The following COPS8 variants were observed in gnomAD, a reference collection of about 807,000 sequenced individuals.
The protein encoded by COPS8 is COP9 signalosome complex subunit 8.
Under a neutral mutation model 31.5 loss-of-function variants are expected in COPS8, and 11 were observed. The observed-to-expected ratio is 0.35, with a 90% CI of 0.22 to 0.58. COPS8 has a LOEUF of 0.58. COPS8 is among the 20% of genes least tolerant of loss of function. COPS8 has a pLI of 0.83. For missense variants in COPS8, 215 were observed against 255.1 expected (o/e 0.84, Z 1.07); for synonymous variants, 81 against 89.3 (o/e 0.91, Z 0.52).
At chr2:237,095,767 A>G in intron 5 of COPS8, 55 bp from the exon 6 acceptor site, 1 of 1,224,820 alleles carries the variant, frequency 8.2e-7, no homozygotes, top group African/African-American at 1.5e-5. Flanking sequence ...CAAGTTGTGG[A>G]TTTTGTGGGG....
intron 2 of COPS8, chr2:237,087,453 G>T: frequency 2.1e-6 from 1 of 481,180 alleles, no homozygotes; most frequent in South Asian, 2.3e-5. Context: ...TAACCTTTTT[G>T]TCTTTTTAAG....
chr2:237,090,421 G>A (rs556751160), intron 4 of COPS8, among the ~76,000 whole-genome samples: 1 of 152,168 alleles, frequency 6.6e-6, no homozygotes, highest in Non-Finnish European at 1.5e-5. Context: ...GCTCAAATGT[G>A]TTTTTAATTG....
chr2:237,095,410 C>T (rs973839910), intron 5 of COPS8, among the ~76,000 whole-genome samples: 1 of 152,092 alleles, frequency 6.6e-6, no homozygotes, highest in East Asian at 1.9e-4. Flanking sequence ...TATAAAAGCA[C>T]GTAGTCTGGT....
chr2:237,097,924 A>G lies in COPS8; in HGVS notation c.*182A>G, dbSNP rs1696833861. The G allele has an allele frequency of 6.3e-6, 3 of 473,286 alleles. No homozygotes were observed. Among genetic ancestry groups the G allele is most frequent in the Non-Finnish European group, 1.1e-5 (3 of 265,680 alleles). The allele number at this position is 473,286 out of a possible 1,614,324, so 29.3% of individuals were successfully genotyped here. A position where few individuals can be genotyped will look rare whatever the true frequency, so the allele number is the denominator to read the frequency against. ...CATTTTGTCCATAAACGTTATGCTG[A>G]ATAGTTGTTGAAACAGTTCTCATTT... is the stretch of plus-strand genomic sequence containing the variant. On this transcript the variant is annotated 3_prime_UTR_variant, in exon 8 of 8. Coordinates refer to ENST00000354371, the MANE Select transcript of COPS8 (RefSeq NM_006710.5).
chr2:237,086,719 GTC>G, intron 1 of COPS8: 3 of 927,422 alleles, frequency 3.2e-6, no homozygotes, highest in Non-Finnish European at 1.3e-6. Context: ...GTGATTTTCT[GTC>G]TCTTATTCAG....
intron 4 of COPS8, among the ~76,000 whole-genome samples, chr2:237,090,520 C>A (rs572825764): frequency 1.4e-4 from 21 of 152,354 alleles, no homozygotes; most frequent in Non-Finnish European, 2.4e-4. Context: ...TCACCCCTAG[C>A]ATTTGCTTCC....
rs1696844519 is a variant in COPS8, at chr2:237,098,596, C to T, written c.*854C>T. On this transcript the variant is annotated 3_prime_UTR_variant, in exon 8 of 8. Coordinates refer to ENST00000354371, the MANE Select transcript of COPS8 (RefSeq NM_006710.5). ...CTTTCATTCTCTGTGTGACAGCCCT[C>T]TGAATATTTGAAGTTGTTTGTTGTA... 1 of 152,170 alleles carries T rather than the reference C, an allele frequency of 6.6e-6. No individual in the cohort carries two copies. The highest frequency in any genetic ancestry group is 2.1e-4 in the South Asian group (1 of 4,824). The allele number at this position is 152,170 out of a possible 1,614,324, so 9.4% of individuals were successfully genotyped here.
chr2:237,088,876 C>T (rs758202282), intron 3 of COPS8, among the ~76,000 whole-genome samples: 2 of 152,072 alleles, frequency 1.3e-5, no homozygotes, highest in African/African-American at 2.4e-5. Context: ...TTTCTTGAGA[C>T]GCTTTTATGT....
intron 4 of COPS8, among the ~76,000 whole-genome samples, chr2:237,092,892 A>G (rs1355255760): frequency 1.3e-5 from 2 of 152,194 alleles, no homozygotes; most frequent in Non-Finnish European, 2.9e-5. Context: ...TGTATTTGGC[A>G]TATATTTCAC....
chr2:237,094,162 C>A lies in COPS8; in HGVS notation c.404C>A (p.Ala135Asp), dbSNP rs778513456. 1.2e-6 allele frequency: 2 copies of A among 1,613,768 alleles called. No homozygotes were observed. Among genetic ancestry groups the A allele is most frequent in the East Asian group, 4.5e-5 (2 of 44,890 alleles). ...YTSIIADDFA[A>D]FVGLPVEEAV... ...TCAATCATCGCCGATGATTTTGCAGCCTTTGTTGGACTTCCTGTAGAAGAG... is the reference window on the plus strand; with the variant it reads ...TCAATCATCGCCGATGATTTTGCAGACTTTGTTGGACTTCCTGTAGAAGAG... Residue 135 changes from alanine (A) to aspartate (D), a missense_variant, in exon 5 of 8, where the codon GCC becomes GAC. Transcript: ENST00000354371.
chr2:237,089,028 ATACTC>A (rs1169306624), intron 3 of COPS8, among the ~76,000 whole-genome samples: 16 of 152,350 alleles, frequency 1.1e-4, no homozygotes, highest in African/African-American at 3.8e-4. Flanking sequence ...GTTTACAAGA[ATACTC>A]TAAGAATGAT....
In COPS8 at chr2:237,097,224, C is replaced by CTT. The variant is rs996251270; in HGVS notation, c.550+374_550+375dup. Among the ~76,000 whole-genome samples the CTT allele has an allele frequency of 6.0e-4, 58 of 95,984 alleles. 1 individual carries two copies. Among genetic ancestry groups the CTT allele is most frequent in the African/African-American group, 1.7e-3 (45 of 26,254 alleles). The allele number at this position is 95,984 out of a possible 152,430, so 63.0% of individuals were successfully genotyped here. A position where few individuals can be genotyped will look rare whatever the true frequency, so the allele number is the denominator to read the frequency against. ...TTCCTTGAGGTTCTTTGTGGGTTTTCTTTTTTTTTTTTTTTTTTTTGGTTT... is the reference window on the plus strand; with the variant it reads ...TTCCTTGAGGTTCTTTGTGGGTTTTCTTTTTTTTTTTTTTTTTTTTTTGGTTT... On this transcript the variant is annotated intron_variant, in intron 7 of 7. Coordinates refer to ENST00000354371, the MANE Select transcript of COPS8 (RefSeq NM_006710.5).
At chr2:237,091,140 C>T (rs1696699320) in intron 4 of COPS8, among the ~76,000 whole-genome samples, 1 of 152,170 alleles carries the variant, frequency 6.6e-6, no homozygotes, top group African/African-American at 2.4e-5. Context: ...TTCTCTTGTG[C>T]ACCGTCGGGT....
intron 4 of COPS8, among the ~76,000 whole-genome samples, chr2:237,092,195 G>A (rs139169902): frequency 5.1e-4 from 77 of 152,276 alleles, no homozygotes; most frequent in African/African-American, 1.7e-3. Flanking sequence ...ACCTTCCAGC[G>A]TGTCATTCTA....
At position 237,087,231 on chromosome 2, in the gene COPS8, G is replaced by C. The variant is rs531331663; in HGVS notation, c.149+34G>C. Reference sequence around the variant, plus strand: ...GTTTAACCTAAAGCTAAGAGCAACAGGTTTCTCAAAGTTATATGGAAATAT... The same window carrying C: ...GTTTAACCTAAAGCTAAGAGCAACACGTTTCTCAAAGTTATATGGAAATAT... On this transcript the variant is annotated intron_variant, in intron 2 of 7. Coordinates refer to ENST00000354371, the MANE Select transcript of COPS8 (RefSeq NM_006710.5). The C allele has an allele frequency of 3.3e-6, 5 of 1,497,502 alleles. No individual in the cohort carries two copies. The African/African-American group carries it at 7.0e-5, about 21-fold the overall frequency. 92.8% of individuals were successfully genotyped at this position (1,497,502 alleles called of 1,614,324 possible).
chr2:237,086,581 G>T (rs1696618011), intron 1 of COPS8, among the ~76,000 whole-genome samples: 1 of 152,120 alleles, frequency 6.6e-6, no homozygotes, highest in Non-Finnish European at 1.5e-5. Flanking sequence ...CACTTAAAAA[G>T]GGTTTATATC....
chr2:237,096,133 T>C (rs950153262), intron 6 of COPS8, among the ~76,000 whole-genome samples: 10 of 152,224 alleles, frequency 6.6e-5, no homozygotes, highest in Non-Finnish European at 1.5e-4. Context: ...TAGTTTTTAC[T>C]AAATATTAAT....
intron 2 of COPS8, 140 bp downstream of exon 2, chr2:237,087,337 TATTGAATCATAG>T (rs1696636986): frequency 3.4e-6 from 2 of 581,366 alleles, no homozygotes; most frequent in Admixed American, 6.9e-5. Context: ...GTCTATTTCC[TATTGAATCATAG>T]GTTAATGAAT....
At chr2:237,090,205 CTTAA>C (rs1696682029) in intron 4 of COPS8, among the ~76,000 whole-genome samples, 1 of 152,048 alleles carries the variant, frequency 6.6e-6, no homozygotes, top group Non-Finnish European at 1.5e-5. Context: ...TTTGTTGTTT[CTTAA>C]TTCTAGACAG....
Sources: allele counts gnomAD v4.1 joint callset (sites outside exome capture counted in the v4.1 genomes callset), GRCh38; gene constraint gnomAD v4.1.1; transcripts MANE v1.5; gene names NCBI Gene and HGNC (gene_info 2026-07-23, HGNC 2026-07-21).